The following SLC9B1 variants were observed in gnomAD, a reference collection of about 807,000 sequenced individuals.
SLC9B1 encodes the protein sodium/hydrogen exchanger 9B1.
In SLC9B1, 32 loss-of-function variants were observed where a neutral mutation model predicts 51.7. The observed-to-expected ratio is 0.62, with a 90% confidence interval of 0.47 to 0.83. SLC9B1 has a LOEUF of 0.83. Ranked by LOEUF, SLC9B1 falls within the 40% of genes least tolerant of loss-of-function variation. SLC9B1 has a pLI of 0.00. For missense variants in SLC9B1, 406 were observed against 613.2 expected (o/e 0.66, Z 3.57); for synonymous variants, 145 against 212.7 (o/e 0.68, Z 2.77).
At position 102,910,306 on chromosome 4, in the gene SLC9B1, T is replaced by C. The variant is rs923170773; in HGVS notation, c.1086+133A>G. ...TTTCCTAAATATTTTCTTTCCTCGA[T>C]TGATTCATACACTTTCTTGAGGACA... is the stretch of plus-strand genomic sequence containing the variant. On this transcript the variant is annotated intron_variant, in intron 9 of 11. Coordinates refer to ENST00000296422, the MANE Select transcript of SLC9B1 (RefSeq NM_139173.4). The C allele has an allele frequency of 4.6e-6, 3 of 657,816 alleles. No homozygotes were observed. In the African/African-American group the frequency reaches 5.9e-5, roughly 13 times the overall value. 40.7% of individuals were successfully genotyped at this position (657,816 alleles called of 1,614,324 possible).
intron 3 of SLC9B1, among the ~76,000 whole-genome samples, chr4:102,982,673 T>C (rs1178546320): frequency 1.3e-5 from 2 of 152,292 alleles, no homozygotes; most frequent in African/African-American, 4.8e-5. Context: ...TGTTTTTAAT[T>C]TCAAATTCCA....
intron 7 of SLC9B1, among the ~76,000 whole-genome samples, chr4:102,917,213 A>C (rs1254588174): frequency 6.6e-6 from 1 of 152,078 alleles, no homozygotes; most frequent in Non-Finnish European, 1.5e-5. Context: ...TTGGCCTCAG[A>C]CTAGTGGCTG....
chr4:102,885,322 G>T, exon 12 of SLC9B1: 1 of 1,614,008 alleles, frequency 6.2e-7, no homozygotes, highest in South Asian at 1.1e-5. Flanking sequence ...AGGATAGCTT[G>T]ATTAATCTTA....
At chr4:102,918,458 C>T (rs1444518508) in intron 7 of SLC9B1, among the ~76,000 whole-genome samples, 1 of 152,198 alleles carries the variant, frequency 6.6e-6, no homozygotes, top group African/African-American at 2.4e-5. Flanking sequence ...AAAATATATA[C>T]AGAACAACAA....
At chr4:102,916,794 TA>T (rs1386681435) in intron 7 of SLC9B1, among the ~76,000 whole-genome samples, 1 of 152,168 alleles carries the variant, frequency 6.6e-6, no homozygotes, top group African/African-American at 2.4e-5. Flanking sequence ...GGAAAAGTAA[TA>T]AATATGTGGA....
At chr4:103,014,361 C>T (rs538096611) in intron 1 of SLC9B1, among the ~76,000 whole-genome samples, 161 of 152,338 alleles carry the variant, frequency 1.1e-3, no homozygotes, top group African/African-American at 3.7e-3. Flanking sequence ...GCATCCAATG[C>T]TTATCACAGC....
At chr4:102,943,782 T>C (rs1737136779) in intron 6 of SLC9B1, among the ~76,000 whole-genome samples, 1 of 152,136 alleles carries the variant, frequency 6.6e-6, no homozygotes, top group African/African-American at 2.4e-5. Context: ...AGACTACACC[T>C]TGGGTGCAGT....
chr4:103,000,459 T>C (rs1017257683), intron 1 of SLC9B1, among the ~76,000 whole-genome samples: 33 of 152,374 alleles, frequency 2.2e-4, no homozygotes, highest in African/African-American at 7.9e-4. Flanking sequence ...ACAAGGCAAG[T>C]TCCTTCCACC....
intron 11 of SLC9B1, among the ~76,000 whole-genome samples, chr4:102,893,298 A>AAAAAAAAG (rs1734360109): frequency 1.1e-4 from 17 of 148,056 alleles, no homozygotes; most frequent in Middle Eastern, 3.5e-3. Context: ...AAAAAAAAAA[A>AAAAAAAAG]AAAAAAAGAA....
intron 6 of SLC9B1, among the ~76,000 whole-genome samples, chr4:102,941,680 A>AG (rs1737009478): frequency 1.3e-5 from 2 of 150,240 alleles, no homozygotes; most frequent in African/African-American, 2.5e-5. Flanking sequence ...AGAGAGAGAA[A>AG]GAAAAACCCA....
At chr4:102,932,911 T>C (rs1166817782) in intron 6 of SLC9B1, among the ~76,000 whole-genome samples, 1 of 152,172 alleles carries the variant, frequency 6.6e-6, no homozygotes, top group African/African-American at 2.4e-5. Flanking sequence ...CAGAGTTGTC[T>C]GCCCAAAAAA....
chr4:102,893,555 A>T (rs537919265), intron 11 of SLC9B1, among the ~76,000 whole-genome samples: 2 of 152,260 alleles, frequency 1.3e-5, no homozygotes, highest in East Asian at 1.9e-4. Context: ...AGTATCCCAA[A>T]TTTTTTTTAA....
At chr4:102,927,348 C>A (rs1158871033) in intron 7 of SLC9B1, among the ~76,000 whole-genome samples, 1 of 151,472 alleles carries the variant, frequency 6.6e-6, no homozygotes, top group African/African-American at 2.4e-5. Flanking sequence ...GCGATCTACC[C>A]ATTTGACAAA....
chr4:102,956,841 T>A (rs575227804), intron 3 of SLC9B1, among the ~76,000 whole-genome samples: 33 of 152,280 alleles, frequency 2.2e-4, no homozygotes, highest in African/African-American at 7.2e-4. Context: ...TGGTTCATAC[T>A]CTGGAAAAAA....
At chr4:102,989,503 G>A (rs556442431) in intron 3 of SLC9B1, among the ~76,000 whole-genome samples, 29 of 151,974 alleles carry the variant, frequency 1.9e-4, no homozygotes, top group Non-Finnish European at 4.0e-4. Context: ...AAAACTAAAT[G>A]TCAAAGTAGG....
intron 11 of SLC9B1, among the ~76,000 whole-genome samples, chr4:102,894,067 G>C (rs1734415336): frequency 6.6e-6 from 1 of 152,124 alleles, no homozygotes; most frequent in Non-Finnish European, 1.5e-5. Context: ...TTCAATATCA[G>C]TTAAGTATAT....
chr4:102,916,423 T>C (rs1166651393), intron 7 of SLC9B1, among the ~76,000 whole-genome samples: 5 of 152,200 alleles, frequency 3.3e-5, no homozygotes. Context: ...GTACAGCATC[T>C]AAATATATGA....
intron 2 of SLC9B1, among the ~76,000 whole-genome samples, chr4:102,990,396 G>A (rs990975817): frequency 2.6e-5 from 4 of 151,862 alleles, no homozygotes; most frequent in Non-Finnish European, 4.4e-5. Context: ...TCAAGCCTTC[G>A]GAAATTCAAG....
chr4:102,959,594 T>C (rs1274045184), intron 3 of SLC9B1, among the ~76,000 whole-genome samples: 1 of 152,224 alleles, frequency 6.6e-6, no homozygotes, highest in Non-Finnish European at 1.5e-5. Flanking sequence ...GATTCTCTTT[T>C]TGCATTGAGA....
Sources: gnomAD v4.1 joint callset for allele counts (sites outside exome capture counted in the v4.1 genomes callset) on GRCh38, gnomAD v4.1.1 for gene constraint, MANE v1.5 for transcripts, NCBI Gene and HGNC (gene_info 2026-07-23, HGNC 2026-07-21) for gene names.